Variants in GPA33 observed in about 807,000 individuals in gnomAD.
GPA33 encodes cell surface A33 antigen.
A neutral mutation model predicts 35.6 loss-of-function variants in GPA33; 27 were observed. The observed-to-expected ratio is 0.76, with a 90% confidence interval of 0.56 to 1.04. GPA33 has a LOEUF of 1.04. GPA33 is among the 50% of genes least tolerant of loss of function. GPA33 has a pLI of 0.00. For synonymous variants in GPA33, 176 were observed against 164.0 expected, an observed-to-expected ratio of 1.07 and a Z score of -0.56; for missense variants, 428 against 411.9, an observed-to-expected ratio of 1.04 and a Z score of -0.34.
chr1:167,057,635 G>C (rs114895784), intron 4 of GPA33, among the ~76,000 whole-genome samples: 1 of 152,160 alleles, frequency 6.6e-6, no homozygotes, highest in African/African-American at 2.4e-5. Context: ...CAGGGGAGTT[G>C]TCCTCTCTCC....
rs1571314530 is a variant in GPA33 at position 167,073,464 on chromosome 1, G to A, written c.119C>T (p.Thr40Ile). The A allele has an allele frequency of 1.9e-6, 3 of 1,612,248 alleles. No individual in the cohort carries two copies. Among genetic ancestry groups the A allele is most frequent in the Non-Finnish European group, 2.5e-6 (3 of 1,178,504 alleles). The change falls in exon 2 of 7, where the codon ACC becomes ATC. Residue 40 changes from threonine (T) to isoleucine (I), a missense_variant. By Grantham distance (89) the Thr-to-Ile change is moderately conservative. Transcript: ENST00000367868. ...VLRASQGKSV[T>I]LPCTYHTSTS... ...GGAAGTGTGGTAGGTGCAGGGCAGGGTGACACTCTTTCCCTGCGAAGCCCG... is the reference window on the plus strand; with the variant it reads ...GGAAGTGTGGTAGGTGCAGGGCAGGATGACACTCTTTCCCTGCGAAGCCCG...
intron 1 of GPA33, among the ~76,000 whole-genome samples, chr1:167,076,652 C>T (rs914153284): frequency 2.0e-5 from 3 of 152,126 alleles, no homozygotes; most frequent in Non-Finnish European, 4.4e-5. Context: ...CATGTGAGCT[C>T]CTGGGGTGAG....
chr1:167,076,139 A>C (rs1447263822), intron 1 of GPA33, among the ~76,000 whole-genome samples: 1 of 152,226 alleles, frequency 6.6e-6, no homozygotes, highest in Non-Finnish European at 1.5e-5. Context: ...AGAGGAGTTT[A>C]CGCCCTTTTT....
At chr1:167,076,959 A>G (rs1243269184) in intron 1 of GPA33, among the ~76,000 whole-genome samples, 1 of 152,156 alleles carries the variant, frequency 6.6e-6, no homozygotes, top group South Asian at 2.1e-4. Flanking sequence ...TAATCCCAGC[A>G]CTTTGGGAGG....
chr1:167,076,925 G>T (rs370079626), intron 1 of GPA33, among the ~76,000 whole-genome samples: 1 of 152,174 alleles, frequency 6.6e-6, no homozygotes, highest in Non-Finnish European at 1.5e-5. Flanking sequence ...ACATTTGCTG[G>T]CAGGGCGCAG....
intron 1 of GPA33, among the ~76,000 whole-genome samples, chr1:167,076,566 T>C (rs780199386): frequency 3.3e-5 from 5 of 152,204 alleles, no homozygotes; most frequent in Non-Finnish European, 5.9e-5. Context: ...ATTCGGGTTG[T>C]TCATACTTCA....
intron 3 of GPA33, among the ~76,000 whole-genome samples, chr1:167,067,796 G>GA (rs1265807334): frequency 1.3e-5 from 2 of 151,922 alleles, no homozygotes; most frequent in African/African-American, 2.4e-5. Flanking sequence ...AGGTTAGAAA[G>GA]AAAAAACGCA....
At chr1:167,066,085 C>T (rs1403692024) in intron 3 of GPA33, among the ~76,000 whole-genome samples, 1 of 152,200 alleles carries the variant, frequency 6.6e-6, no homozygotes, top group Non-Finnish European at 1.5e-5. Flanking sequence ...CAGCCTTTTC[C>T]CAGGAATGCC....
At chr1:167,074,707 C>T (rs577787685) in intron 1 of GPA33, among the ~76,000 whole-genome samples, 17 of 150,274 alleles carry the variant, frequency 1.1e-4, no homozygotes, top group Admixed American at 9.3e-4. Context: ...GCTTAGTCTA[C>T]GCACAAGGAA....
chr1:167,062,694 C>G (rs959442469), intron 4 of GPA33, among the ~76,000 whole-genome samples: 1 of 125,974 alleles, frequency 7.9e-6, no homozygotes, highest in Admixed American at 1.0e-4. Context: ...AGGTCCAATA[C>G]CAAGCTGCCC....
At chr1:167,073,061 AG>A (rs1465094792) in intron 2 of GPA33, among the ~76,000 whole-genome samples, 1 of 152,172 alleles carries the variant, frequency 6.6e-6, no homozygotes, top group Non-Finnish European at 1.5e-5. Flanking sequence ...GAATCCAAAC[AG>A]GAAAAAAAAC....
intron 1 of GPA33, among the ~76,000 whole-genome samples, chr1:167,088,948 T>TG (rs1352379370): frequency 6.6e-6 from 1 of 152,190 alleles, no homozygotes; most frequent in African/African-American, 2.4e-5. Context: ...GGCCCACTTA[T>TG]GACTAATCAT....
At chr1:167,085,578 A>C (rs1007691443) in intron 1 of GPA33, among the ~76,000 whole-genome samples, 2 of 152,198 alleles carry the variant, frequency 1.3e-5, no homozygotes, top group Non-Finnish European at 2.9e-5. Context: ...CTGGACCAGG[A>C]GTATCATCCC....
rs532721484 is a variant in GPA33 at position 167,068,118 on chromosome 1, CAT to C, written c.415+802_415+803del. 5.0e-3 allele frequency among the ~76,000 whole-genome samples: 753 copies of C among 151,636 alleles called. 7 individuals are homozygous for C. The highest frequency in any genetic ancestry group is 0.017 in the African/African-American group (724 of 41,410). On this transcript the variant is annotated intron_variant, in intron 3 of 6. Transcript: ENST00000367868. ...TAAAATAAATTTAATTTAAATTAAA[CAT>C]ATTAATTAAAAATAAAATGCAATCA...
intron 4 of GPA33, among the ~76,000 whole-genome samples, chr1:167,060,853 T>C (rs1666423443): frequency 6.6e-6 from 1 of 152,126 alleles, no homozygotes; most frequent in Non-Finnish European, 1.5e-5. Context: ...CCACCATTCC[T>C]ACACCTACAC....
intron 3 of GPA33, among the ~76,000 whole-genome samples, chr1:167,065,472 CT>C (rs1666570903): frequency 6.6e-6 from 1 of 152,138 alleles, no homozygotes; most frequent in African/African-American, 2.4e-5. Context: ...CCTGGAATCC[CT>C]AGGTGGCAAG....
chr1:167,074,748 G>C (rs952338739), intron 1 of GPA33, among the ~76,000 whole-genome samples: 1 of 151,498 alleles, frequency 6.6e-6, no homozygotes, highest in Non-Finnish European at 1.5e-5. Flanking sequence ...TGGGAGGGAA[G>C]TGAGTGAGGA....
In GPA33 at chr1:167,081,951, G is replaced by A. The variant is rs182379237; in HGVS notation, c.43+8294C>T. ...AGGAAGCAGTCAGAGGTTACTGTCAGCCAGCATCCTAATAGAGCCCAATTA... is the reference window on the plus strand; with the variant it reads ...AGGAAGCAGTCAGAGGTTACTGTCAACCAGCATCCTAATAGAGCCCAATTA... On this transcript the variant is annotated intron_variant, in intron 1 of 6. Transcript: ENST00000367868. Among the ~76,000 whole-genome samples the A allele has an allele frequency of 5.1e-4, 77 of 152,316 alleles. No homozygotes were observed. The South Asian group carries it at 7.0e-3, about 14-fold the overall frequency.
At chr1:167,073,257 C>T (rs189948411) in intron 2 of GPA33, 128 bp downstream of exon 2, 2 of 752,674 alleles carry the variant, frequency 2.7e-6, no homozygotes, top group East Asian at 5.1e-5. Context: ...CCCTCCCCAC[C>T]CACTCCAGCC....
Sources: gnomAD v4.1 joint callset for allele counts (sites outside exome capture counted in the v4.1 genomes callset) on GRCh38, gnomAD v4.1.1 for gene constraint, MANE v1.5 for transcripts, NCBI Gene and HGNC (gene_info 2026-07-23, HGNC 2026-07-21) for gene names.